Variants in RTTN observed in about 807,000 individuals in gnomAD.
RTTN encodes rotatin.
RTTN carries 182 observed loss-of-function variants against 269.2 expected under a neutral mutation model. That is an observed-to-expected ratio of 0.68 (90% CI 0.60 to 0.76). RTTN has a LOEUF of 0.76. Among genes scored for constraint, RTTN ranks in the 30% least tolerant of loss-of-function variants. The pLI, the probability that RTTN is intolerant of heterozygous loss-of-function variation, is 0.00. For synonymous variants in RTTN, 1,006 were observed against 963.5 expected (o/e 1.04, Z -0.82); for missense variants, 2,545 against 2,608.6 (o/e 0.98, Z 0.53).
intron 23 of RTTN, chr18:70,129,924 A>C (rs2059956281): frequency 1.8e-5 from 1 of 54,680 alleles, no homozygotes; most frequent in African/African-American, 3.2e-5. Flanking sequence ...CAAACAACTT[A>C]ACAGCAAAAT....
intron 27 of RTTN, among the ~76,000 whole-genome samples, chr18:70,110,823 G>A (rs1250723893): frequency 3.9e-5 from 6 of 152,184 alleles, no homozygotes; most frequent in East Asian, 3.9e-4. Flanking sequence ...TGAAATTCTC[G>A]TTGCCAGCAC....
chr18:70,193,216 TC>T, intron 8 of RTTN, 71 bp downstream of exon 8: 1 of 1,128,634 alleles, frequency 8.9e-7, no homozygotes, highest in Non-Finnish European at 1.3e-6. Context: ...AATAATTATC[TC>T]CTTCTGAAAT....
intron 37 of RTTN, among the ~76,000 whole-genome samples, chr18:70,054,819 A>G (rs1195759093): frequency 6.6e-6 from 1 of 152,120 alleles, no homozygotes; most frequent in Non-Finnish European, 1.5e-5. Context: ...ACCCTGTTTC[A>G]AAAGAAAAAA....
intron 25 of RTTN, 113 bp from the exon 26 acceptor site, chr18:70,121,813 G>C (rs2059745812): frequency 9.8e-7 from 1 of 1,018,758 alleles, no homozygotes; most frequent in African/African-American, 1.7e-5. Flanking sequence ...TATTTTATGA[G>C]ACACTGTTTT....
chr18:70,019,228 A>C (rs1382061120), intron 45 of RTTN: 1 of 152,182 alleles, frequency 6.6e-6, no homozygotes, highest in Admixed American at 6.5e-5. Context: ...AACCCAAATG[A>C]AGCTGAAAGA....
In RTTN at chr18:70,150,603, C is replaced by A; in HGVS notation, c.2055+5G>T. On this transcript the variant is annotated splice_donor_5th_base_variant and intron_variant, in intron 15 of 48. Coordinates refer to ENST00000640769, the MANE Select transcript of RTTN (RefSeq NM_173630.4). Reference sequence around the variant, plus strand: ...TAATATTTTCACTCATGTTTAATGTCATACCTCACTTTCGGGCTCTTGAAT... The same window carrying A: ...TAATATTTTCACTCATGTTTAATGTAATACCTCACTTTCGGGCTCTTGAAT... The A allele has an allele frequency of 1.2e-6, 2 of 1,611,428 alleles. No homozygotes were observed. Among genetic ancestry groups the A allele is most frequent in the South Asian group, 2.2e-5 (2 of 90,908 alleles).
At chr18:70,121,524 A>G (rs766653802) in intron 26 of RTTN, 32 bp downstream of exon 26, 6 of 1,506,006 alleles carry the variant, frequency 4.0e-6, no homozygotes, top group Admixed American at 2.4e-5. Flanking sequence ...TATTTCCCAA[A>G]CTTAAAATCC....
chr18:70,058,660 T>TCAGA (rs1283470631), intron 36 of RTTN, among the ~76,000 whole-genome samples: 1 of 152,210 alleles, frequency 6.6e-6, no homozygotes, highest in Non-Finnish European at 1.5e-5. Flanking sequence ...CAATGCCACA[T>TCAGA]CAGACTCTTA....
chr18:70,079,882 T>C (rs1007221542), intron 32 of RTTN, among the ~76,000 whole-genome samples: 1 of 152,092 alleles, frequency 6.6e-6, no homozygotes, highest in Non-Finnish European at 1.5e-5. Context: ...TTAGCTATAA[T>C]TGAAAAGGTA....
intron 35 of RTTN, 138 bp from the exon 36 acceptor site, chr18:70,060,180 T>C: frequency 1.3e-6 from 1 of 791,738 alleles, no homozygotes; most frequent in Non-Finnish European, 1.9e-6. Context: ...TTGGCTCATC[T>C]TAACCTTGAG....
intron 10 of RTTN, among the ~76,000 whole-genome samples, chr18:70,187,420 C>T (rs560763317): frequency 2.9e-4 from 44 of 152,006 alleles, no homozygotes; most frequent in African/African-American, 1.1e-3. Flanking sequence ...AAAATGACTA[C>T]CAATAAGGAA....
intron 30 of RTTN, among the ~76,000 whole-genome samples, chr18:70,090,554 G>C (rs7239816): frequency 0.047 from 7,154 of 152,186 alleles, 256 homozygotes; most frequent in Non-Finnish European, 0.069. Context: ...GGCTACTACT[G>C]ATCTTCAGGG....
At chr18:70,017,737 T>C in intron 45 of RTTN, 63 bp from the exon 46 acceptor site, 1 of 1,350,614 alleles carries the variant, frequency 7.4e-7, no homozygotes, top group South Asian at 1.4e-5. Flanking sequence ...CCTAGTCCCT[T>C]GGTGACCAAT....
chr18:70,142,351 A>C lies in RTTN; in HGVS notation c.2518T>G (p.Ser840Ala). The change falls in exon 19 of 49, where the codon TCA becomes GCA. Residue 840 changes from serine to alanine, a missense_variant. By Grantham distance (99) the Ser-to-Ala change is moderately conservative. Transcript: ENST00000640769. ...TVEKVYEIFTSDDVDLVLRKS... is the reference protein window; with the variant it reads ...TVEKVYEIFTADDVDLVLRKS... ...CTCAAAACGAGATCAACATCATCTG[A>C]GGTGAAGATTTCATATACCTTTTCA... The C allele has an allele frequency of 6.3e-7, 1 of 1,598,892 alleles. No homozygotes were observed. Among genetic ancestry groups the C allele is most frequent in the Non-Finnish European group, 8.5e-7 (1 of 1,170,280 alleles).
At chr18:70,152,924 A>G (rs938584417) in intron 14 of RTTN, among the ~76,000 whole-genome samples, 4 of 152,222 alleles carry the variant, frequency 2.6e-5, no homozygotes, top group African/African-American at 9.6e-5. Context: ...TACTTAGAAT[A>G]CAATTCATAG....
intron 43 of RTTN, among the ~76,000 whole-genome samples, chr18:70,027,392 T>C (rs1788066169): frequency 6.6e-6 from 1 of 152,236 alleles, no homozygotes; most frequent in Non-Finnish European, 1.5e-5. Context: ...ATCTTAATAT[T>C]CTTTGGATTT....
intron 40 of RTTN, among the ~76,000 whole-genome samples, chr18:70,040,181 G>C (rs1036172923): frequency 3.4e-4 from 51 of 151,982 alleles, no homozygotes; most frequent in Non-Finnish European, 5.9e-5. Flanking sequence ...CACACACAGT[G>C]GCTGAAGGGA....
chr18:70,119,349 T>C (rs919177641), intron 26 of RTTN, among the ~76,000 whole-genome samples: 1 of 151,110 alleles, frequency 6.6e-6, no homozygotes, highest in African/African-American at 2.4e-5. Context: ...TATTTAGGAA[T>C]AAATTTAATC....
chr18:70,181,874 T>C (rs2061429301), intron 10 of RTTN, among the ~76,000 whole-genome samples: 1 of 152,202 alleles, frequency 6.6e-6, no homozygotes, highest in South Asian at 2.1e-4. Flanking sequence ...ATTTGTAACA[T>C]ACCAACTGGC....
Sources: gnomAD v4.1 joint callset for allele counts (sites outside exome capture counted in the v4.1 genomes callset) on GRCh38, gnomAD v4.1.1 for gene constraint, MANE v1.5 for transcripts, NCBI Gene and HGNC (gene_info 2026-07-23, HGNC 2026-07-21) for gene names.